PICALM: variants seen among roughly 807,000 people sequenced by gnomAD.
PICALM encodes phosphatidylinositol binding clathrin assembly protein.
PICALM carries 40 observed loss-of-function variants against 80.5 expected under a neutral mutation model. That is an observed-to-expected ratio of 0.50 (90% confidence interval 0.39 to 0.65). PICALM has a LOEUF of 0.65. Ranked by LOEUF, PICALM falls within the 30% of genes least tolerant of loss-of-function variation. The probability of loss-of-function intolerance (pLI) is 0.00; values close to 1 mark genes in which losing one functional copy is unlikely to be tolerated. For synonymous variants in PICALM, 288 were observed against 260.3 expected, an observed-to-expected ratio of 1.11 and a Z score of -1.02; for missense variants, 676 against 778.9, an observed-to-expected ratio of 0.87 and a Z score of 1.57.
chr11:85,980,052 C>G (rs924249872), intron 17 of PICALM, among the ~76,000 whole-genome samples: 2 of 152,140 alleles, frequency 1.3e-5, no homozygotes, highest in Non-Finnish European at 2.9e-5. Context: ...TTCATGGATT[C>G]CATATTTGCA....
chr11:86,057,608 C>T (rs916209631), intron 1 of PICALM, among the ~76,000 whole-genome samples: 3 of 151,508 alleles, frequency 2.0e-5, no homozygotes, highest in Admixed American at 6.6e-5. Context: ...TGTGTATGTA[C>T]ACACAATTAG....
At chr11:86,016,121 T>A (rs1401625105) in intron 4 of PICALM, among the ~76,000 whole-genome samples, 1 of 152,206 alleles carries the variant, frequency 6.6e-6, no homozygotes, top group African/African-American at 2.4e-5. Context: ...TTGCAACTCT[T>A]CTTACTGATG....
chr11:86,043,959 G>C (rs1015456818), intron 1 of PICALM, among the ~76,000 whole-genome samples: 5 of 152,116 alleles, frequency 3.3e-5, no homozygotes, highest in African/African-American at 1.2e-4. Context: ...ACAGAACAAC[G>C]AGAATCTTTA....
intron 1 of PICALM, among the ~76,000 whole-genome samples, chr11:86,062,121 G>A (rs1227503349): frequency 5.3e-5 from 8 of 152,198 alleles, no homozygotes; most frequent in Non-Finnish European, 7.3e-5. Context: ...AAGGGATGGC[G>A]AGGGGGAGCA....
chr11:86,029,763 A>T (rs965135467), intron 2 of PICALM, among the ~76,000 whole-genome samples: 1 of 152,246 alleles, frequency 6.6e-6, no homozygotes, highest in African/African-American at 2.4e-5. Context: ...ATTCTTCAGA[A>T]TAATCATAAT....
At chr11:85,989,618 T>C (rs1389496413) in intron 13 of PICALM, among the ~76,000 whole-genome samples, 2 of 152,150 alleles carry the variant, frequency 1.3e-5, no homozygotes, top group Non-Finnish European at 2.9e-5. Flanking sequence ...AACCTCAGTG[T>C]GAAATTCTGC....
At chr11:86,011,388 T>A (rs2095391513) in intron 6 of PICALM, among the ~76,000 whole-genome samples, 1 of 152,212 alleles carries the variant, frequency 6.6e-6, no homozygotes, top group South Asian at 2.1e-4. Context: ...TCCTCACAAT[T>A]ACCTAAGTAC....
rs188529516 is a variant in PICALM at position 85,995,777 on chromosome 11, G to A, written c.1258+1049C>T. 1.8e-3 allele frequency among the ~76,000 whole-genome samples: 280 copies of A among 152,116 alleles called. 1 individual carries two copies. The highest frequency in any genetic ancestry group is 3.1e-3 in the Non-Finnish European group (209 of 67,964). The stretch of plus-strand genomic sequence containing the variant: ...ATCCAAAAATCAGAACATAACATTA[G>A]GATATTAAGAAACTGCTTTCTTAAT... On this transcript the variant is annotated intron_variant, in intron 12 of 19. Coordinates refer to ENST00000393346, the MANE Select transcript of PICALM (RefSeq NM_007166.4).
intron 1 of PICALM, among the ~76,000 whole-genome samples, chr11:86,043,711 C>T (rs1446197870): frequency 1.3e-5 from 2 of 152,240 alleles, no homozygotes; most frequent in East Asian, 3.9e-4. Context: ...CTCATAAGAT[C>T]CAGGAGACAG....
chr11:86,063,895 GTTACCTTACT>G (rs1215180696), intron 1 of PICALM, among the ~76,000 whole-genome samples: 1 of 151,730 alleles, frequency 6.6e-6, no homozygotes, highest in Non-Finnish European at 1.5e-5. Flanking sequence ...AAAAGTCCCA[GTTACCTTACT>G]TTTAAATAAA....
At chr11:86,069,702 C>G (rs1250379524), upstream of PICALM, 1 of 152,234 alleles carries the variant, frequency 6.6e-6, no homozygotes, top group Non-Finnish European at 1.5e-5. Flanking sequence ...ACTATTGAAG[C>G]TCTCCTTATT....
chr11:86,037,017 C>T (rs964806667), intron 1 of PICALM, among the ~76,000 whole-genome samples: 8 of 150,956 alleles, frequency 5.3e-5, no homozygotes, highest in African/African-American at 1.7e-4. Context: ...GTGATCTCGG[C>T]TCACTGCAAC....
intron 1 of PICALM, among the ~76,000 whole-genome samples, chr11:86,067,026 TG>T (rs1204357835): frequency 2.0e-5 from 3 of 152,258 alleles, no homozygotes; most frequent in Non-Finnish European, 4.4e-5. Context: ...CATGCATATC[TG>T]AAAGAATCAA....
chr11:86,048,234 C>T (rs1442143185), intron 1 of PICALM, among the ~76,000 whole-genome samples: 1 of 152,206 alleles, frequency 6.6e-6, no homozygotes, highest in Non-Finnish European at 1.5e-5. Flanking sequence ...CTGCCAGTTG[C>T]AATTCTATAG....
chr11:85,965,432 C>T (rs1384762830), intron 19 of PICALM, among the ~76,000 whole-genome samples: 3 of 152,112 alleles, frequency 2.0e-5, no homozygotes, highest in Non-Finnish European at 4.4e-5. Context: ...CATGGTGCTA[C>T]TAAATAGGAT....
chr11:86,019,800 A>G (rs1487005950), intron 4 of PICALM, among the ~76,000 whole-genome samples: 1 of 152,222 alleles, frequency 6.6e-6, no homozygotes, highest in African/African-American at 2.4e-5. Flanking sequence ...TTACCTCTAT[A>G]TTTTAATTAA....
intron 3 of PICALM, among the ~76,000 whole-genome samples, chr11:86,024,864 A>C (rs935931676): frequency 6.6e-6 from 1 of 152,086 alleles, no homozygotes; most frequent in Non-Finnish European, 1.5e-5. Context: ...TGCTTAAGCC[A>C]ACTCATCTTC....
At chr11:86,057,000 G>C (rs949717535) in intron 1 of PICALM, among the ~76,000 whole-genome samples, 1 of 152,114 alleles carries the variant, frequency 6.6e-6, no homozygotes, top group African/African-American at 2.4e-5. Flanking sequence ...ATGGTTGCAG[G>C]GGGGCCGAGG....
At chr11:86,061,058 G>GTGGC (rs1241821217) in intron 1 of PICALM, among the ~76,000 whole-genome samples, 1 of 152,174 alleles carries the variant, frequency 6.6e-6, no homozygotes, top group African/African-American at 2.4e-5. Context: ...GCCGGGCTCA[G>GTGGC]TGGCTCATGC....
Sources: gnomAD v4.1 joint callset for allele counts (sites outside exome capture counted in the v4.1 genomes callset) on GRCh38, gnomAD v4.1.1 for gene constraint, MANE v1.5 for transcripts, NCBI Gene and HGNC (gene_info 2026-07-23, HGNC 2026-07-21) for gene names.